TGFA: variants seen among roughly 807,000 people sequenced by gnomAD.
The protein encoded by TGFA is transforming growth factor alpha, also known as protransforming growth factor alpha.
Under a neutral mutation model 21.7 loss-of-function variants are expected in TGFA, and 12 were observed. The ratio of observed to expected loss-of-function variants is 0.55; its 90% CI spans 0.35 to 0.90. TGFA has a LOEUF of 0.90. Ranked by LOEUF, TGFA falls within the 40% of genes least tolerant of loss-of-function variation. The pLI, the probability that TGFA is intolerant of heterozygous loss-of-function variation, is 0.01. For missense variants in TGFA, 178 were observed against 210.8 expected, an observed-to-expected ratio of 0.84 and a Z score of 0.96; for synonymous variants, 79 against 88.1, an observed-to-expected ratio of 0.90 and a Z score of 0.58.
intron 1 of TGFA, among the ~76,000 whole-genome samples, chr2:70,551,475 C>A (rs918652507): frequency 6.6e-6 from 1 of 152,298 alleles, no homozygotes; most frequent in Non-Finnish European, 1.5e-5. Context: ...ACTAGCCCCA[C>A]GGAGGTTTCC....
chr2:70,550,908 C>A (rs1553506721), intron 1 of TGFA, among the ~76,000 whole-genome samples: 1 of 152,206 alleles, frequency 6.6e-6, no homozygotes, highest in Admixed American at 6.5e-5. Context: ...AAATCATATT[C>A]ACCAGAAATT....
At chr2:70,543,779 T>A (rs1673207157) in intron 1 of TGFA, among the ~76,000 whole-genome samples, 1 of 152,196 alleles carries the variant, frequency 6.6e-6, no homozygotes, top group Non-Finnish European at 1.5e-5. Context: ...TTGTTGGTTA[T>A]CCTGATACTT....
intron 2 of TGFA, among the ~76,000 whole-genome samples, chr2:70,497,400 T>G (rs1671608855): frequency 6.6e-6 from 1 of 152,248 alleles, no homozygotes; most frequent in Non-Finnish European, 1.5e-5. Flanking sequence ...ATTTTAAGAT[T>G]GCTAAGCATT....
At chr2:70,514,749 C>A in intron 2 of TGFA, 110 bp downstream of exon 2, 1 of 1,157,912 alleles carries the variant, frequency 8.6e-7, no homozygotes, top group Non-Finnish European at 1.3e-6. Flanking sequence ...CCGGGACAGG[C>A]GTGTGCTCGG....
rs201730029 is a variant in TGFA, at chr2:70,455,128, C to T, written c.365+1211G>A. 5.9e-5 allele frequency among the ~76,000 whole-genome samples: 9 copies of T among 152,206 alleles called. No individual in the cohort carries two copies. The East Asian group carries it at 1.7e-3, about 29-fold the overall frequency. On this transcript the variant is annotated intron_variant, in intron 4 of 5. Coordinates refer to ENST00000295400, the MANE Select transcript of TGFA (RefSeq NM_003236.4). ...TCCCAGCAAACATGTTTTTCCAAGG[C>T]CCCTGGAAGCAGAATGGATACTGCT...
At chr2:70,545,829 G>A (rs1414264019) in intron 1 of TGFA, among the ~76,000 whole-genome samples, 2 of 151,784 alleles carry the variant, frequency 1.3e-5, no homozygotes, top group African/African-American at 4.8e-5. Flanking sequence ...AATAAATGGG[G>A]GAAAATACTT....
chr2:70,506,032 G>A (rs577413614), intron 2 of TGFA, among the ~76,000 whole-genome samples: 8 of 152,302 alleles, frequency 5.3e-5, no homozygotes, highest in African/African-American at 1.7e-4. Context: ...GATGCTCCAG[G>A]TCAATCTCTG....
In TGFA at chr2:70,463,103, C is replaced by T. The variant is rs575774527; in HGVS notation, c.215+2513G>A. Among the ~76,000 whole-genome samples the T allele has an allele frequency of 3.9e-5, 6 of 152,232 alleles. No individual in the cohort carries two copies. In the South Asian group the frequency reaches 1.0e-3, roughly 26 times the overall value. ...GTGCTGGAATGATGGGACTGAACTC[C>T]ACCTCTGCCGGTTACTAGCTCTGGG... On this transcript the variant is annotated intron_variant, in intron 3 of 5. Transcript: ENST00000295400.
chr2:70,514,805 C>A, intron 2 of TGFA, 54 bp downstream of exon 2: 1 of 1,591,222 alleles, frequency 6.3e-7, no homozygotes, highest in Admixed American at 1.7e-5. Context: ...CACACAGCAG[C>A]AGGCCCGCTC....
At chr2:70,547,530 G>A (rs1673342915) in intron 1 of TGFA, among the ~76,000 whole-genome samples, 3 of 138,528 alleles carry the variant, frequency 2.2e-5, no homozygotes, top group South Asian at 2.3e-4. Context: ...GCAACAGAGC[G>A]AGCCTCCATC....
chr2:70,486,166 G>T (rs76509295), intron 2 of TGFA, among the ~76,000 whole-genome samples: 4 of 152,294 alleles, frequency 2.6e-5, no homozygotes, highest in East Asian at 3.9e-4. Context: ...GCAGATGGAG[G>T]TCTATATTTT....
intron 1 of TGFA, among the ~76,000 whole-genome samples, chr2:70,547,515 C>T (rs1229552758): frequency 1.3e-5 from 2 of 148,934 alleles, no homozygotes; most frequent in Non-Finnish European, 3.0e-5. Context: ...TGCACTCCAG[C>T]CTGGGCAACA....
chr2:70,457,785 A>G (rs782424560), intron 3 of TGFA, among the ~76,000 whole-genome samples: 35 of 152,098 alleles, frequency 2.3e-4, no homozygotes, highest in Non-Finnish European at 3.7e-4. Flanking sequence ...CAGGTGATCC[A>G]CCCACCTCGG....
chr2:70,504,080 G>A (rs1671824033), intron 2 of TGFA, among the ~76,000 whole-genome samples: 1 of 152,160 alleles, frequency 6.6e-6, no homozygotes. Flanking sequence ...ACAGAACAAA[G>A]TCCATCACAG....
At chr2:70,479,626 C>T (rs1242646842) in intron 2 of TGFA, among the ~76,000 whole-genome samples, 5 of 151,802 alleles carry the variant, frequency 3.3e-5, no homozygotes, top group Non-Finnish European at 7.4e-5. Flanking sequence ...ATTGGATCAC[C>T]GGGTCCTTTT....
chr2:70,476,984 A>AT (rs1183133417), intron 2 of TGFA, among the ~76,000 whole-genome samples: 6 of 151,828 alleles, frequency 4.0e-5, no homozygotes, highest in Admixed American at 3.3e-4. Context: ...ATTATACGCA[A>AT]TTATTTTTTT....
At position 70,474,637 on chromosome 2, in the gene TGFA, G is replaced by A. The variant is rs146729926; in HGVS notation, c.95-8901C>T. ...GATGATGGTTAATTGAGGAGCTGCT[G>A]GAAGTAGGGTGGTGGCTGGAACATG... On this transcript the variant is annotated intron_variant, in intron 2 of 5. Transcript: ENST00000295400. Among the ~76,000 whole-genome samples, 53 of 152,334 alleles carry A rather than the reference G, an allele frequency of 3.5e-4. No individual in the cohort carries two copies. In the East Asian group the frequency reaches 0.01, roughly 29 times the overall value.
chr2:70,450,727 C>A lies in TGFA; in HGVS notation c.*132G>T. ...CAGAGTTTTGAAGGCCCACAAAAGG[C>A]TGCACAGGTGATTACAGGCCAAGTA... On this transcript the variant is annotated 3_prime_UTR_variant, in exon 6 of 6. Coordinates refer to ENST00000295400, the MANE Select transcript of TGFA (RefSeq NM_003236.4). 1 of 997,736 alleles carries A rather than the reference C, an allele frequency of 1.0e-6. No homozygotes were observed. The highest frequency in any genetic ancestry group is 1.5e-6 in the Non-Finnish European group (1 of 650,910). The allele number at this position is 997,736 out of a possible 1,614,324, so 61.8% of individuals were successfully genotyped here.
intron 2 of TGFA, among the ~76,000 whole-genome samples, chr2:70,469,212 T>TG (rs1164003853): frequency 2.0e-5 from 3 of 152,182 alleles, no homozygotes; most frequent in African/African-American, 7.2e-5. Context: ...TCAGGATCTC[T>TG]GGGGTGAGGC....
Sources: allele counts gnomAD v4.1 joint callset (sites outside exome capture counted in the v4.1 genomes callset), GRCh38; gene constraint gnomAD v4.1.1; transcripts MANE v1.5; gene names NCBI Gene and HGNC (gene_info 2026-07-23, HGNC 2026-07-21).